Variants in L3MBTL4 observed in about 807,000 individuals in gnomAD.
L3MBTL4 encodes the protein L3MBTL histone methyl-lysine binding protein 4.
A neutral mutation model predicts 84.5 loss-of-function variants in L3MBTL4; 70 were observed. That is an observed-to-expected ratio of 0.83 (90% confidence interval 0.68 to 1.01). The LOEUF is 1.01. Ranked by LOEUF, L3MBTL4 falls within the 50% of genes least tolerant of loss-of-function variation. L3MBTL4 has a pLI of 0.00. For synonymous variants in L3MBTL4, 274 were observed against 259.8 expected, an observed-to-expected ratio of 1.05 and a Z score of -0.52; for missense variants, 715 against 754.8, an observed-to-expected ratio of 0.95 and a Z score of 0.62.
chr18:6,137,774 T>C (rs1437010213), intron 14 of L3MBTL4, among the ~76,000 whole-genome samples: 6 of 152,220 alleles, frequency 3.9e-5, no homozygotes, highest in Non-Finnish European at 1.5e-5. Flanking sequence ...ACACTAGTTT[T>C]CTATTCTTTT....
intron 13 of L3MBTL4, among the ~76,000 whole-genome samples, chr18:6,149,924 GACACT>G (rs2042817998): frequency 6.6e-6 from 1 of 151,940 alleles, no homozygotes; most frequent in East Asian, 1.9e-4. Flanking sequence ...TAAGCAAATT[GACACT>G]AAACTGGGAT....
intron 12 of L3MBTL4, among the ~76,000 whole-genome samples, chr18:6,179,461 G>A (rs1238546951): frequency 6.6e-6 from 1 of 152,170 alleles, no homozygotes; most frequent in Non-Finnish European, 1.5e-5. Flanking sequence ...TACTTCCTGT[G>A]ATGCCAGGCT....
At chr18:6,294,383 G>A (rs756540945) in intron 4 of L3MBTL4, among the ~76,000 whole-genome samples, 2 of 152,168 alleles carry the variant, frequency 1.3e-5, no homozygotes, top group Non-Finnish European at 2.9e-5. Context: ...GTCTGAGCGA[G>A]CATTAAAATG....
intron 15 of L3MBTL4, chr18:6,082,456 T>G (rs1405744809): frequency 2.6e-5 from 4 of 152,056 alleles, no homozygotes; most frequent in African/African-American, 4.8e-5. Context: ...GCACATAAGG[T>G]AAGTAGTGCA....
intron 18 of L3MBTL4, 87 bp from the exon 19 acceptor site, chr18:5,956,474 T>C (rs1242362241): frequency 8.0e-7 from 1 of 1,254,372 alleles, no homozygotes; most frequent in Non-Finnish European, 1.1e-6. Flanking sequence ...CTGAGTGTGA[T>C]GTGGAACCCG....
At chr18:6,079,370 C>T (rs1463536621) in intron 16 of L3MBTL4, among the ~76,000 whole-genome samples, 1 of 152,126 alleles carries the variant, frequency 6.6e-6, no homozygotes. Flanking sequence ...GACATAAATG[C>T]CATATCTGAT....
chr18:6,258,769 T>C (rs145251975), intron 5 of L3MBTL4: 348 of 152,418 alleles, frequency 2.3e-3, no homozygotes, highest in Non-Finnish European at 3.9e-3. Context: ...GTGGATGGAC[T>C]GTCACATGGG....
At chr18:6,342,757 AT>A (rs1425474595) in intron 1 of L3MBTL4, among the ~76,000 whole-genome samples, 2 of 152,036 alleles carry the variant, frequency 1.3e-5, no homozygotes, top group East Asian at 3.8e-4. Flanking sequence ...TTAAATTTCA[AT>A]ATAAATTCTC....
chr18:6,380,475 C>T (rs921134852), intron 1 of L3MBTL4, among the ~76,000 whole-genome samples: 1 of 152,196 alleles, frequency 6.6e-6, no homozygotes, highest in African/African-American at 2.4e-5. Context: ...TTTCCCTCTA[C>T]ACACTGCTTT....
chr18:6,239,609 T>C, intron 9 of L3MBTL4, 109 bp downstream of exon 9: 1 of 1,046,822 alleles, frequency 9.6e-7, no homozygotes, highest in Non-Finnish European at 1.4e-6. Context: ...AAATTCCTAA[T>C]GCTCATCACT....
chr18:6,326,945 C>G (rs2051753875), intron 1 of L3MBTL4, among the ~76,000 whole-genome samples: 2 of 152,168 alleles, frequency 1.3e-5, no homozygotes, highest in African/African-American at 2.4e-5. Context: ...CATACATGAT[C>G]TTTCAGTTAT....
chr18:6,215,727 G>A (rs1484383825), intron 11 of L3MBTL4, 23 bp downstream of exon 11: 15 of 1,437,296 alleles, frequency 1.0e-5, no homozygotes, highest in Non-Finnish European at 1.4e-5. Flanking sequence ...AAAGGTGAGA[G>A]TTTGTACCCA....
chr18:6,175,381 A>G (rs1313383383), intron 12 of L3MBTL4, among the ~76,000 whole-genome samples: 1 of 152,156 alleles, frequency 6.6e-6, no homozygotes, highest in East Asian at 1.9e-4. Context: ...ATTTTCAGAT[A>G]AACAAAAAAA....
intron 1 of L3MBTL4, among the ~76,000 whole-genome samples, chr18:6,339,092 C>T (rs1449609855): frequency 6.6e-6 from 1 of 152,048 alleles, no homozygotes; most frequent in Non-Finnish European, 1.5e-5. Flanking sequence ...ATAAAACAAC[C>T]AGATCCGCCC....
chr18:6,031,765 T>C, intron 16 of L3MBTL4: 1 of 984,282 alleles, frequency 1.0e-6, no homozygotes. Flanking sequence ...CACCTCTGTG[T>C]GCCTATCTGC....
At position 6,174,757 on chromosome 18, in the gene L3MBTL4, A is replaced by G. The variant is rs117678128; in HGVS notation, c.982-2815T>C. ...GTGATGCATGCCTGTATTCCCAGCT[A>G]CTTGGGAGGCTGAAGCACAAGGATG... On this transcript the variant is annotated intron_variant, in intron 12 of 18. Coordinates refer to ENST00000317931, the MANE Select transcript of L3MBTL4 (RefSeq NM_001330559.2). Among the ~76,000 whole-genome samples, 11 of 151,998 alleles carry G rather than the reference A, an allele frequency of 7.2e-5. No homozygotes were observed. In the East Asian group the frequency reaches 1.9e-3, roughly 27 times the overall value.
intron 1 of L3MBTL4, among the ~76,000 whole-genome samples, chr18:6,331,788 A>G (rs2052047193): frequency 6.6e-6 from 1 of 152,148 alleles, no homozygotes; most frequent in Non-Finnish European, 1.5e-5. Flanking sequence ...GGTATGTCAA[A>G]TAAGTTTACT....
chr18:6,061,108 C>T (rs1393122520), intron 16 of L3MBTL4, among the ~76,000 whole-genome samples: 1 of 152,100 alleles, frequency 6.6e-6, no homozygotes, highest in African/African-American at 2.4e-5. Context: ...TCTTTCAAAG[C>T]GGCTGTACCA....
At chr18:6,402,703 C>T (rs1037113141) in intron 1 of L3MBTL4, among the ~76,000 whole-genome samples, 3 of 151,966 alleles carry the variant, frequency 2.0e-5, no homozygotes, top group African/African-American at 7.2e-5. Flanking sequence ...AGTCATTCAC[C>T]GAAAAATAGA....
Sources: gnomAD v4.1 joint callset for allele counts (sites outside exome capture counted in the v4.1 genomes callset) on GRCh38, gnomAD v4.1.1 for gene constraint, MANE v1.5 for transcripts, NCBI Gene and HGNC (gene_info 2026-07-23, HGNC 2026-07-21) for gene names.